KCNK13: variants seen among roughly 807,000 people sequenced by gnomAD.
The protein encoded by KCNK13 is potassium two pore domain channel subfamily K member 13.
A neutral mutation model predicts 23.4 loss-of-function variants in KCNK13; 12 were observed. That is an observed-to-expected ratio of 0.51 (90% CI 0.33 to 0.83). KCNK13 has a LOEUF of 0.83. Among genes scored for constraint, KCNK13 ranks in the 40% least tolerant of loss-of-function variants. The probability of loss-of-function intolerance (pLI) is 0.02; values close to 1 mark genes in which losing one functional copy is unlikely to be tolerated. For missense variants in KCNK13, 463 were observed against 556.3 expected (o/e 0.83, Z 1.69); for synonymous variants, 231 against 229.5 (o/e 1.01, Z -0.06).
chr14:90,148,280 A>G (rs934818153), intron 1 of KCNK13, among the ~76,000 whole-genome samples: 1 of 152,194 alleles, frequency 6.6e-6, no homozygotes, highest in Non-Finnish European at 1.5e-5. Context: ...TTAATCCTAT[A>G]AAACATAAAT....
chr14:90,081,843 C>A (rs963786416), intron 1 of KCNK13, among the ~76,000 whole-genome samples: 6 of 152,130 alleles, frequency 3.9e-5, no homozygotes, highest in Non-Finnish European at 7.3e-5. Context: ...ACATTAAGAT[C>A]CATTAATGTC....
intron 1 of KCNK13, among the ~76,000 whole-genome samples, chr14:90,075,774 A>C (rs1286917): frequency 0.61 from 93,016 of 152,014 alleles, 29,261 homozygotes; most frequent in African/African-American, 0.74. Flanking sequence ...AGCCACTACA[A>C]CAGGTCTAGA....
intron 1 of KCNK13, among the ~76,000 whole-genome samples, chr14:90,132,128 A>G (rs1428930682): frequency 1.3e-5 from 2 of 152,286 alleles, no homozygotes; most frequent in Non-Finnish European, 2.9e-5. Context: ...GGCACATGCC[A>G]TCAACATTGA....
chr14:90,160,946 A>C (rs1257841891), intron 1 of KCNK13, among the ~76,000 whole-genome samples: 1 of 152,194 alleles, frequency 6.6e-6, no homozygotes, highest in Non-Finnish European at 1.5e-5. Context: ...ATTCTTTTTT[A>C]ATATGTACCC....
At chr14:90,143,571 A>G (rs139188433) in intron 1 of KCNK13, among the ~76,000 whole-genome samples, 57 of 152,268 alleles carry the variant, frequency 3.7e-4, no homozygotes, top group African/African-American at 1.3e-3. Context: ...TTGCAGCTGT[A>G]TAATAAGTCT....
intron 1 of KCNK13, among the ~76,000 whole-genome samples, chr14:90,099,643 A>G (rs911949232): frequency 6.6e-6 from 1 of 152,178 alleles, no homozygotes; most frequent in Non-Finnish European, 1.5e-5. Flanking sequence ...TGAGGACTCT[A>G]GATGGAAGTC....
At chr14:90,103,665 C>T (rs1889507808) in intron 1 of KCNK13, among the ~76,000 whole-genome samples, 1 of 152,104 alleles carries the variant, frequency 6.6e-6, no homozygotes, top group Non-Finnish European at 1.5e-5. Context: ...CGAGTTCAAG[C>T]GATTCTCCTG....
chr14:90,078,551 T>C (rs1215368827), intron 1 of KCNK13, among the ~76,000 whole-genome samples: 1 of 150,174 alleles, frequency 6.7e-6, no homozygotes, highest in Non-Finnish European at 1.5e-5. Context: ...CACAGTGATG[T>C]AGTTGTGCAG....
chr14:90,127,114 G>A (rs901252453), intron 1 of KCNK13, among the ~76,000 whole-genome samples: 7 of 152,110 alleles, frequency 4.6e-5, no homozygotes, highest in African/African-American at 1.4e-4. Context: ...TAGTTGCAAC[G>A]AATGTACCAT....
chr14:90,145,760 G>T (rs1056744918), intron 1 of KCNK13, among the ~76,000 whole-genome samples: 2 of 152,102 alleles, frequency 1.3e-5, no homozygotes, highest in Non-Finnish European at 2.9e-5. Flanking sequence ...CCAGCACTTT[G>T]GGAGGCCAAA....
intron 1 of KCNK13, among the ~76,000 whole-genome samples, chr14:90,117,767 C>G (rs1405079869): frequency 1.3e-5 from 2 of 152,188 alleles, no homozygotes; most frequent in African/African-American, 4.8e-5. Flanking sequence ...TTACCTCTAT[C>G]TAGTTCCAAA....
chr14:90,079,624 T>C (rs998333657), intron 1 of KCNK13, among the ~76,000 whole-genome samples: 11 of 152,284 alleles, frequency 7.2e-5, no homozygotes, highest in African/African-American at 2.4e-4. Context: ...GGGGCACAAA[T>C]AGTGTCTCCT....
rs749628212 is a variant in KCNK13 at position 90,062,345 on chromosome 14, G to A, written c.140G>A (p.Arg47His). 1.9e-6 allele frequency: 3 copies of A among 1,555,380 alleles called. No homozygotes were observed. The highest frequency in any genetic ancestry group is 2.0e-4 in the Middle Eastern group (1 of 5,090). ...VFSALELAHE[R>H]QAKQRWEERL... ...TCCGCGCTGGAGCTGGCGCACGAGC[G>A]CCAGGCCAAGCAGCGCTGGGAGGAG... is the stretch of plus-strand genomic sequence containing the variant. Residue 47 changes from arginine (R) to histidine (H), a missense_variant, in exon 1 of 2, where the codon CGC becomes CAC. Physicochemically the swap from Arg to His is conservative, Grantham distance 29. Coordinates refer to ENST00000282146, the MANE Select transcript of KCNK13 (RefSeq NM_022054.4). This position sits in a 1 kb window ranked among gnomAD's most constrained non-coding sequence, Gnocchi z 4.5.
chr14:90,109,919 G>T (rs974660211), intron 1 of KCNK13, among the ~76,000 whole-genome samples: 3 of 150,964 alleles, frequency 2.0e-5, no homozygotes, highest in African/African-American at 7.3e-5. Context: ...ATTTTCCCAG[G>T]CTGGTCTCGA....
At chr14:90,101,194 T>G (rs1438578970) in intron 1 of KCNK13, among the ~76,000 whole-genome samples, 1 of 152,124 alleles carries the variant, frequency 6.6e-6, no homozygotes, top group African/African-American at 2.4e-5. Context: ...TTTGGAACCA[T>G]GTCTGCTTCA....
intron 1 of KCNK13, among the ~76,000 whole-genome samples, chr14:90,136,010 G>T (rs1236634693): frequency 2.0e-5 from 3 of 152,100 alleles, no homozygotes; most frequent in African/African-American, 4.8e-5. Context: ...CACAATGTCT[G>T]CAAGACACAC....
At chr14:90,135,784 G>A (rs576926301) in intron 1 of KCNK13, among the ~76,000 whole-genome samples, 1 of 152,290 alleles carries the variant, frequency 6.6e-6, no homozygotes, top group African/African-American at 2.4e-5. Context: ...CTGGTTGAGT[G>A]TAGGGATCTG....
At position 90,093,559 on chromosome 14, in the gene KCNK13, C is replaced by T. The variant is rs1218228898; in HGVS notation, c.334+31020C>T. On this transcript the variant is annotated intron_variant, in intron 1 of 1. Coordinates refer to ENST00000282146, the MANE Select transcript of KCNK13 (RefSeq NM_022054.4). Reference sequence around the variant, plus strand: ...TTTTGATGCTGTATTCCGAGGCACCCCTGGTCCTCCCCAGCGTGCCCAGCC... The same window carrying T: ...TTTTGATGCTGTATTCCGAGGCACCTCTGGTCCTCCCCAGCGTGCCCAGCC... Among the ~76,000 whole-genome samples the T allele has an allele frequency of 3.3e-5, 5 of 152,226 alleles. No individual in the cohort carries two copies. In the East Asian group the frequency reaches 9.7e-4, roughly 29 times the overall value.
At chr14:90,126,134 C>T (rs1174315774) in intron 1 of KCNK13, among the ~76,000 whole-genome samples, 1 of 151,882 alleles carries the variant, frequency 6.6e-6, no homozygotes, top group African/African-American at 2.4e-5. Context: ...CCTAAGTCCA[C>T]ACTGATTTAA....
Sources: allele counts gnomAD v4.1 joint callset (sites outside exome capture counted in the v4.1 genomes callset), GRCh38; gene constraint gnomAD v4.1.1; non-coding constraint Gnocchi (gnomAD v3.1); transcripts MANE v1.5; gene names NCBI Gene and HGNC (gene_info 2026-07-23, HGNC 2026-07-21).